C8orf34: variants seen among roughly 807,000 people sequenced by gnomAD.
C8orf34 encodes the protein chromosome 8 open reading frame 34.
A neutral mutation model predicts 68.3 loss-of-function variants in C8orf34; 65 were observed. The ratio of observed to expected loss-of-function variants is 0.95; its 90% CI spans 0.78 to 1.17. C8orf34 has a LOEUF of 1.17. Among genes scored for constraint, C8orf34 ranks in the 50% most tolerant of loss-of-function variants. The pLI is 0.00. For synonymous variants in C8orf34, 244 were observed against 241.2 expected (o/e 1.01, Z -0.11); for missense variants, 664 against 655.4 (o/e 1.01, Z -0.14).
intron 5 of C8orf34, among the ~76,000 whole-genome samples, chr8:68,518,536 G>T (rs1478913012): frequency 6.6e-6 from 1 of 151,924 alleles, no homozygotes; most frequent in Admixed American, 6.6e-5. Flanking sequence ...AGAAAAAGAC[G>T]CCAACTCTCC....
intron 9 of C8orf34, among the ~76,000 whole-genome samples, chr8:68,716,914 C>T (rs1315898934): frequency 2.0e-5 from 3 of 151,502 alleles, no homozygotes; most frequent in Non-Finnish European, 2.9e-5. Flanking sequence ...TACATACAGG[C>T]GATGGATAAA....
chr8:68,641,262 T>C (rs550991891), intron 8 of C8orf34, among the ~76,000 whole-genome samples: 19 of 152,300 alleles, frequency 1.2e-4, no homozygotes, highest in Admixed American at 1.0e-3. Context: ...TGAGAGGAGA[T>C]TAGCTGCTTG....
chr8:68,448,707 G>A lies in C8orf34; in HGVS notation c.607+2247G>A, dbSNP rs188790926. On this transcript the variant is annotated intron_variant, in intron 3 of 13. Transcript: ENST00000518698. ...AAGTACAGACGTGCCCACAATTATA[G>A]TAAATATAAATGTACTAAACATTCC... Among the ~76,000 whole-genome samples the A allele has an allele frequency of 2.2e-3, 328 of 152,178 alleles. 1 individual carries two copies. Among genetic ancestry groups the A allele is most frequent in the African/African-American group, 7.1e-3 (295 of 41,564 alleles).
At chr8:68,402,588 T>G (rs897336831) in intron 1 of C8orf34, among the ~76,000 whole-genome samples, 3 of 152,178 alleles carry the variant, frequency 2.0e-5, no homozygotes, top group African/African-American at 7.2e-5. Context: ...ATTGCACGGC[T>G]TTTGTTATAT....
chr8:68,334,676 T>C (rs1315753681), intron 1 of C8orf34, among the ~76,000 whole-genome samples: 1 of 152,126 alleles, frequency 6.6e-6, no homozygotes, highest in African/African-American at 2.4e-5. Context: ...ATTTGTGTAC[T>C]GAAGATGTGG....
At chr8:68,379,452 C>T (rs909827637) in intron 1 of C8orf34, among the ~76,000 whole-genome samples, 1 of 152,224 alleles carries the variant, frequency 6.6e-6, no homozygotes, top group Admixed American at 6.5e-5. Context: ...GTTTATCTAT[C>T]TTCATGCCCC....
At chr8:68,460,532 G>C (rs1287001455) in intron 3 of C8orf34, among the ~76,000 whole-genome samples, 1 of 152,150 alleles carries the variant, frequency 6.6e-6, no homozygotes, top group African/African-American at 2.4e-5. Flanking sequence ...GCCTAACTGG[G>C]AGGCACCCCC....
intron 10 of C8orf34, among the ~76,000 whole-genome samples, chr8:68,766,118 A>G (rs953477230): frequency 6.6e-6 from 1 of 152,238 alleles, no homozygotes; most frequent in South Asian, 2.1e-4. Flanking sequence ...AGAAATTCCT[A>G]GTAATACCGC....
At chr8:68,414,744 G>A (rs1377787956) in intron 1 of C8orf34, among the ~76,000 whole-genome samples, 1 of 152,104 alleles carries the variant, frequency 6.6e-6, no homozygotes, top group Admixed American at 6.6e-5. Flanking sequence ...CTCTGCTTGA[G>A]AATATTGAAG....
rs1824562391 is a variant in C8orf34, at chr8:68,808,828, C to T, written c.1550-7058C>T. ...TTTATCTGCTCTCCTACAAGGACTT[C>T]AGTCTTTTGCTTATTATTAGGTTTC... On this transcript the variant is annotated intron_variant, in intron 12 of 13. Transcript: ENST00000518698. Among the ~76,000 whole-genome samples the T allele has an allele frequency of 2.0e-5, 3 of 152,084 alleles. No homozygotes were observed. In the South Asian group the frequency reaches 6.2e-4, roughly 32 times the overall value.
chr8:68,729,420 T>C (rs1821920219), intron 10 of C8orf34, among the ~76,000 whole-genome samples: 1 of 152,152 alleles, frequency 6.6e-6, no homozygotes, highest in South Asian at 2.1e-4. Context: ...CATATGACAT[T>C]TCTCAATATG....
At position 68,609,457 on chromosome 8, in the gene C8orf34, G is replaced by T. The variant is rs1488759503; in HGVS notation, c.1106-30919G>T. 3.9e-5 allele frequency among the ~76,000 whole-genome samples: 6 copies of T among 152,130 alleles called. 1 individual carries two copies. The highest frequency in any genetic ancestry group is 1.2e-4 in the African/African-American group (5 of 41,438). ...ATCTCGAAATGAACTTCATGAAAGA[G>T]AATTCACAAAGAGCTACAAGGAAAT... On this transcript the variant is annotated intron_variant, in intron 7 of 13. Transcript: ENST00000518698.
intron 1 of C8orf34, among the ~76,000 whole-genome samples, chr8:68,350,186 A>G (rs1486001361): frequency 6.6e-6 from 1 of 151,766 alleles, no homozygotes. Context: ...ATTATTTTCA[A>G]AGAACTTCTA....
chr8:68,805,846 G>A (rs1235995264), intron 12 of C8orf34, among the ~76,000 whole-genome samples: 1 of 151,732 alleles, frequency 6.6e-6, no homozygotes, highest in East Asian at 1.9e-4. Flanking sequence ...ACTTATTTTT[G>A]AATTTACTAT....
At chr8:68,754,304 T>C (rs554520760) in intron 10 of C8orf34, among the ~76,000 whole-genome samples, 2 of 152,362 alleles carry the variant, frequency 1.3e-5, no homozygotes, top group African/African-American at 4.8e-5. Flanking sequence ...TTTACATTTC[T>C]TCTAAAGCTA....
intron 7 of C8orf34, among the ~76,000 whole-genome samples, chr8:68,596,067 CTGTT>C (rs1202527414): frequency 6.6e-6 from 1 of 151,974 alleles, no homozygotes; most frequent in Non-Finnish European, 1.5e-5. Flanking sequence ...ACAGACTATT[CTGTT>C]TGTGCGTTTC....
At chr8:68,783,725 T>C (rs1490985885) in intron 11 of C8orf34, among the ~76,000 whole-genome samples, 1 of 151,932 alleles carries the variant, frequency 6.6e-6, no homozygotes. Flanking sequence ...GTCTCATGTC[T>C]CCCTAAAATG....
intron 5 of C8orf34, among the ~76,000 whole-genome samples, chr8:68,506,609 A>G (rs1484753228): frequency 6.6e-6 from 1 of 152,092 alleles, no homozygotes; most frequent in Non-Finnish European, 1.5e-5. Flanking sequence ...TAGATCCTGG[A>G]TGCCAACCTT....
Position 68,774,327 on chromosome 8 carries a change from G to A in C8orf34, c.1405-2072G>A, listed in dbSNP as rs1278682518. Among the ~76,000 whole-genome samples the A allele has an allele frequency of 3.0e-4, 29 of 96,098 alleles. 1 individual carries two copies. Among genetic ancestry groups the A allele is most frequent in the South Asian group, 2.0e-3 (7 of 3,546 alleles). 63.0% of individuals were successfully genotyped at this position (96,098 alleles called of 152,430 possible). On this transcript the variant is annotated intron_variant, in intron 10 of 13. Coordinates refer to ENST00000518698, the MANE Select transcript of C8orf34 (RefSeq NM_052958.4). ...TATCTATGTATAAAAATATGGGTGT[G>A]TGTGTATATATATATATATATAAAA...
Sources: gnomAD v4.1 joint callset for allele counts (sites outside exome capture counted in the v4.1 genomes callset) on GRCh38, gnomAD v4.1.1 for gene constraint, MANE v1.5 for transcripts, NCBI Gene and HGNC (gene_info 2026-07-23, HGNC 2026-07-21) for gene names.